Variants in CSMD1 observed in about 807,000 individuals in gnomAD.
CSMD1 encodes CUB and Sushi multiple domains 1.
CSMD1 carries 213 observed loss-of-function variants against 417.5 expected under a neutral mutation model. The ratio of observed to expected loss-of-function variants is 0.51; its 90% confidence interval spans 0.46 to 0.57. The LOEUF is 0.57. Among genes scored for constraint, CSMD1 ranks in the 20% least tolerant of loss-of-function variants. The pLI, the probability that CSMD1 is intolerant of heterozygous loss-of-function variation, is 0.00. For missense variants in CSMD1, 6,923 were observed against 4,529.7 expected (o/e 1.53, Z -15.17); for synonymous variants, 2,862 against 1,736.8 (o/e 1.65, Z -16.11).
intron 42 of CSMD1, among the ~76,000 whole-genome samples, chr8:3,113,586 G>C (rs1481150847): frequency 6.6e-6 from 1 of 152,210 alleles, no homozygotes; most frequent in Admixed American, 6.5e-5. Flanking sequence ...AGGTACCCTG[G>C]CGCCACTGGC....
chr8:3,137,842 T>C (rs537984031), intron 41 of CSMD1, among the ~76,000 whole-genome samples: 1 of 152,350 alleles, frequency 6.6e-6, no homozygotes, highest in South Asian at 2.1e-4. Context: ...AACTCATGGA[T>C]GCAGAGGGCT....
intron 3 of CSMD1, among the ~76,000 whole-genome samples, chr8:4,159,750 G>A (rs866970173): frequency 9.9e-5 from 15 of 152,098 alleles, no homozygotes; most frequent in South Asian, 2.1e-4. Flanking sequence ...CACCACGCCC[G>A]GCTAATTTTT....
intron 52 of CSMD1, among the ~76,000 whole-genome samples, chr8:3,008,508 T>C (rs10087149): frequency 0.021 from 3,156 of 152,274 alleles, 99 homozygotes; most frequent in African/African-American, 0.071. Flanking sequence ...GGTCTTTTAG[T>C]GTAAGTTATA....
intron 1 of CSMD1, among the ~76,000 whole-genome samples, chr8:4,737,409 T>C (rs1810313114): frequency 6.6e-6 from 1 of 151,954 alleles, no homozygotes; most frequent in African/African-American, 2.4e-5. Flanking sequence ...AATATCTGGG[T>C]GATGAGATAA....
intron 2 of CSMD1, among the ~76,000 whole-genome samples, chr8:4,493,192 G>A (rs1055860634): frequency 1.3e-5 from 2 of 152,002 alleles, no homozygotes; most frequent in African/African-American, 2.4e-5. Context: ...GACAGTAAGC[G>A]TTATATACCT....
chr8:4,433,968 A>G (rs2128948827), intron 2 of CSMD1, among the ~76,000 whole-genome samples: 1 of 152,302 alleles, frequency 6.6e-6, no homozygotes, highest in East Asian at 1.9e-4. Flanking sequence ...TGTGGGCTCC[A>G]GGAAGTGATT....
chr8:3,252,138 A>G (rs182932813), intron 26 of CSMD1, among the ~76,000 whole-genome samples: 11,177 of 152,232 alleles, frequency 0.073, 564 homozygotes, highest in Admixed American at 0.13. Context: ...CTGTCTTGTG[A>G]CAGTTTGCAA....
chr8:4,224,009 C>T (rs180812869), intron 3 of CSMD1, among the ~76,000 whole-genome samples: 6 of 152,230 alleles, frequency 3.9e-5, no homozygotes, highest in African/African-American at 7.2e-5. Context: ...AACCCAAACT[C>T]GTATCCCGGG....
At chr8:3,574,433 A>G (rs2116937173) in intron 10 of CSMD1, among the ~76,000 whole-genome samples, 1 of 152,170 alleles carries the variant, frequency 6.6e-6, no homozygotes, top group Middle Eastern at 3.4e-3. Context: ...TTTAGTAGAG[A>G]TGGGGTTTCA....
intron 3 of CSMD1, among the ~76,000 whole-genome samples, chr8:4,309,864 G>A (rs1275030033): frequency 2.0e-5 from 3 of 152,130 alleles, no homozygotes; most frequent in Non-Finnish European, 2.9e-5. Context: ...TGCAGACACT[G>A]AGCATCACTT....
intron 1 of CSMD1, among the ~76,000 whole-genome samples, chr8:4,685,195 A>G (rs1317977939): frequency 2.6e-5 from 4 of 152,232 alleles, no homozygotes; most frequent in African/African-American, 9.6e-5. Context: ...AGGAATCTCA[A>G]ATGAGAATAA....
At chr8:3,297,697 T>G (rs533567645) in intron 25 of CSMD1, among the ~76,000 whole-genome samples, 7 of 152,308 alleles carry the variant, frequency 4.6e-5, no homozygotes, top group Non-Finnish European at 8.8e-5. Context: ...AAATTAAGTT[T>G]TGTAGAAGAA....
rs536321654 is a variant in CSMD1 at position 3,960,762 on chromosome 8, G to A, written c.818+37141C>T. On this transcript the variant is annotated intron_variant, in intron 5 of 69. Transcript: ENST00000635120. ...TTATAATTAATTGATTTAAAATCAA[G>A]AAGTGATAAAAACATATGTAGAAAC... Among the ~76,000 whole-genome samples the A allele has an allele frequency of 1.3e-4, 20 of 151,746 alleles. No homozygotes were observed. The South Asian group carries it at 3.7e-3, about 28-fold the overall frequency.
At chr8:3,659,023 T>A (rs951668185) in intron 7 of CSMD1, among the ~76,000 whole-genome samples, 2 of 152,204 alleles carry the variant, frequency 1.3e-5, no homozygotes, top group Non-Finnish European at 2.9e-5. Flanking sequence ...CTCAGAGCAG[T>A]GTCATTTAAT....
chr8:4,432,412 A>G (rs1307150845), intron 2 of CSMD1, among the ~76,000 whole-genome samples: 2 of 152,100 alleles, frequency 1.3e-5, no homozygotes, highest in South Asian at 2.1e-4. Flanking sequence ...TGTTATGTTG[A>G]TTTCCTAGAT....
intron 57 of CSMD1, among the ~76,000 whole-genome samples, chr8:2,971,775 G>C (rs1804478769): frequency 6.6e-6 from 1 of 152,130 alleles, no homozygotes; most frequent in South Asian, 2.1e-4. Context: ...TCATACTTCA[G>C]TTAAAAACAA....
At chr8:4,102,641 G>A (rs76344358) in intron 3 of CSMD1, among the ~76,000 whole-genome samples, 13,610 of 152,128 alleles carry the variant, frequency 0.089, 694 homozygotes, top group Middle Eastern at 0.18. Context: ...CCTTTTAAAT[G>A]TTTTTTGCTG....
chr8:3,128,208 T>A (rs1817611444), intron 41 of CSMD1: 1 of 152,206 alleles, frequency 6.6e-6, no homozygotes, highest in South Asian at 2.1e-4. Context: ...CATCAAGTTT[T>A]TAAATCATAA....
At chr8:4,355,515 T>C (rs1317824869) in intron 3 of CSMD1, among the ~76,000 whole-genome samples, 1 of 152,126 alleles carries the variant, frequency 6.6e-6, no homozygotes, top group Non-Finnish European at 1.5e-5. Context: ...CATTCAGTAG[T>C]TTAGTAAAGG....
Sources: allele counts gnomAD v4.1 joint callset (sites outside exome capture counted in the v4.1 genomes callset), GRCh38; gene constraint gnomAD v4.1.1; transcripts MANE v1.5; gene names NCBI Gene and HGNC (gene_info 2026-07-23, HGNC 2026-07-21).